The following USH1C variants were observed in gnomAD, a reference collection of about 807,000 sequenced individuals.
USH1C encodes the protein harmonin.
USH1C carries 90 observed loss-of-function variants against 119.3 expected under a neutral mutation model. That is an observed-to-expected ratio of 0.75 (90% CI 0.64 to 0.90). The LOEUF is 0.90. Ranked by LOEUF, USH1C falls within the 40% of genes least tolerant of loss-of-function variation. The pLI, the probability that USH1C is intolerant of heterozygous loss-of-function variation, is 0.00. For synonymous variants in USH1C, 465 were observed against 443.3 expected (o/e 1.05, Z -0.62); for missense variants, 1,165 against 1,167.7 (o/e 1.00, Z 0.03).
intron 2 of USH1C, 111 bp downstream of exon 2, chr11:17,533,144 G>A: frequency 1.2e-6 from 1 of 818,186 alleles, no homozygotes; most frequent in Non-Finnish European, 2.2e-6. Context: ...ATTTCCAGGA[G>A]CCGTGAGCAT....
intron 13 of USH1C, 148 bp downstream of exon 13, chr11:17,521,198 T>C (rs1040776908): frequency 1.0e-4 from 106 of 1,050,072 alleles, no homozygotes; most frequent in Admixed American, 1.1e-4. Flanking sequence ...GTTACTATAA[T>C]ATGACAGGCT....
At chr11:17,507,014 A>G (rs578251868) in intron 18 of USH1C, among the ~76,000 whole-genome samples, 167 of 152,356 alleles carry the variant, frequency 1.1e-3, no homozygotes, top group African/African-American at 4.0e-3. Flanking sequence ...GTGCCTGTGG[A>G]TAGATCTGGC....
intron 1 of USH1C, among the ~76,000 whole-genome samples, chr11:17,535,300 G>A (rs976067386): frequency 6.6e-6 from 1 of 151,902 alleles, no homozygotes; most frequent in African/African-American, 2.4e-5. Context: ...CAGGCCGAAC[G>A]CTCTCCAGCC....
At chr11:17,497,649 C>T (rs1407148430) in intron 24 of USH1C, among the ~76,000 whole-genome samples, 1 of 152,218 alleles carries the variant, frequency 6.6e-6, no homozygotes, top group Admixed American at 6.5e-5. Flanking sequence ...CATTGCACAC[C>T]ATGAGCAGGC....
chr11:17,494,520 G>A, intron 26 of USH1C, 144 bp from the exon 27 acceptor site: 1 of 876,168 alleles, frequency 1.1e-6, no homozygotes, highest in Non-Finnish European at 1.9e-6. Context: ...CTGGGTGCAG[G>A]CCCCAAGTGG....
chr11:17,514,990 GA>G (rs1247661223), intron 15 of USH1C, among the ~76,000 whole-genome samples: 1 of 151,984 alleles, frequency 6.6e-6, no homozygotes, highest in Admixed American at 6.6e-5. Context: ...ATTAGTGCCT[GA>G]AAAAGATTTG....
rs2133893762 is a variant in USH1C at position 17,526,418 on chromosome 11, G to A, written c.603C>T (p.Ser201=). 1 of 1,614,088 alleles carries A rather than the reference G, an allele frequency of 6.2e-7. No individual in the cohort carries two copies. The highest frequency in any genetic ancestry group is 8.5e-7 in the Non-Finnish European group (1 of 1,180,008). ...ESGGVRGSLG[S]PGNRENKEKK... ...TCTCCTTGTTTTCCCGATTTCCAGG[G>A]GAGCCCAGGCTGCCTCGCACGCCCT... The change falls in exon 8 of 27, where the codon TCC becomes TCT. Residue 201 remains serine (S), a synonymous_variant. Coordinates refer to ENST00000005226, the MANE Select transcript of USH1C (RefSeq NM_153676.4).
chr11:17,495,733 G>C, intron 25 of USH1C, 56 bp from the exon 26 acceptor site: 1 of 1,575,266 alleles, frequency 6.3e-7, no homozygotes, highest in Non-Finnish European at 8.7e-7. Context: ...CTCCCAGGCA[G>C]AGCTCCATGG....
intron 1 of USH1C, chr11:17,533,779 A>G (rs566927537): frequency 4.4e-6 from 2 of 458,284 alleles, no homozygotes; most frequent in South Asian, 3.1e-5. Flanking sequence ...ACTCGCTTAG[A>G]TAGCACATGC....
rs375917372 is a variant in USH1C, at chr11:17,504,742, T to C, written c.2134-45A>G. ...AAAGTTCCACATTGGATGTTACCAA[T>C]AGGTCTTGGCTGCCCCCTGGTGCCA... On this transcript the variant is annotated intron_variant, in intron 19 of 26. Coordinates refer to ENST00000005226, the MANE Select transcript of USH1C (RefSeq NM_153676.4). 4.9e-5 allele frequency: 78 copies of C among 1,606,078 alleles called. No homozygotes were observed. The African/African-American group carries it at 9.2e-4, about 19-fold the overall frequency.
At chr11:17,527,697 C>T (rs1850772573) in intron 4 of USH1C, among the ~76,000 whole-genome samples, 1 of 152,174 alleles carries the variant, frequency 6.6e-6, no homozygotes, top group Non-Finnish European at 1.5e-5. Flanking sequence ...CAAAGGGTGA[C>T]ATTTCACTCA....
chr11:17,513,936 A>C (rs1850020442), intron 15 of USH1C, among the ~76,000 whole-genome samples: 1 of 152,246 alleles, frequency 6.6e-6, no homozygotes, highest in Non-Finnish European at 1.5e-5. Flanking sequence ...ATCTGTACAG[A>C]TGCAGAGGGC....
At position 17,494,317 on chromosome 11, in the gene USH1C, G is replaced by C; in HGVS notation, c.*15C>G. The C allele has an allele frequency of 6.2e-7, 1 of 1,606,922 alleles. No individual in the cohort carries two copies. Among genetic ancestry groups the C allele is most frequent in the Non-Finnish European group, 8.5e-7 (1 of 1,176,556 alleles). On this transcript the variant is annotated 3_prime_UTR_variant, in exon 27 of 27. Transcript: ENST00000005226. ...GGCTTTGTGTTCACGAGGTGGGGCC[G>C]GAGCTCACTGTTTCCTAACGGTGAA... is the stretch of plus-strand genomic sequence containing the variant.
chr11:17,517,755 T>C (rs1315050128), intron 14 of USH1C, among the ~76,000 whole-genome samples: 1 of 152,182 alleles, frequency 6.6e-6, no homozygotes, highest in African/African-American at 2.4e-5. Flanking sequence ...AACCATTTTG[T>C]AGGGTATTGG....
rs1166447896 is a variant in USH1C at position 17,520,890 on chromosome 11, A to T, written c.1190T>A (p.Val397Glu). The change falls in exon 14 of 27, where the codon GTA becomes GAA. Residue 397 changes from valine to glutamate, a missense_variant. Coordinates refer to ENST00000005226, the MANE Select transcript of USH1C (RefSeq NM_153676.4). ...PKTITAEVHP[V>E]PLRKPKSFGW... ...CTTACACTTTGGCTTGCGAAGGGGT[A>T]CTGGGTGTACCTCAGCAGTGATGGT... 6 of 1,613,994 alleles carry T rather than the reference A, an allele frequency of 3.7e-6. No individual in the cohort carries two copies. The highest frequency in any genetic ancestry group is 5.1e-6 in the Non-Finnish European group (6 of 1,180,008).
chr11:17,515,915 C>G lies in USH1C; in HGVS notation c.1260+326G>C, dbSNP rs1320815307. 3.3e-5 allele frequency among the ~76,000 whole-genome samples: 5 copies of G among 152,362 alleles called. No individual in the cohort carries two copies. In the East Asian group the frequency reaches 9.6e-4, roughly 29 times the overall value. The stretch of plus-strand genomic sequence containing the variant: ...CTCTGTCTGACCCCAAGCTTCTGGC[C>G]TTGGTCTCTAGTTCTACTTGACAGA... On this transcript the variant is annotated intron_variant, in intron 15 of 26. Coordinates refer to ENST00000005226, the MANE Select transcript of USH1C (RefSeq NM_153676.4).
At chr11:17,539,833 C>CTTTTTTTTTTTTTTTTTTTT (rs34881002) in intron 1 of USH1C, among the ~76,000 whole-genome samples, 1 of 126,202 alleles carries the variant, frequency 7.9e-6, no homozygotes. Flanking sequence ...CTTTCTTTTT[C>CTTTTTTTTTTTTTTTTTTTT]TTTTTTTTTT....
rs1031743649 is a variant in USH1C at position 17,523,193 on chromosome 11, A to C, written c.876+18T>G. 1.2e-6 allele frequency: 2 copies of C among 1,614,012 alleles called. No homozygotes were observed. Among genetic ancestry groups the C allele is most frequent in the Non-Finnish European group, 1.7e-6 (2 of 1,179,928 alleles). ...GGATGAAGGTCAAGGGGCTCCCACCAGCTCATTCTGGACTTACAGCTGCAG... is the reference window on the plus strand; with the variant it reads ...GGATGAAGGTCAAGGGGCTCCCACCCGCTCATTCTGGACTTACAGCTGCAG... On this transcript the variant is annotated intron_variant, in intron 11 of 26. Coordinates refer to ENST00000005226, the MANE Select transcript of USH1C (RefSeq NM_153676.4).
At chr11:17,540,032 A>G (rs139284857) in intron 1 of USH1C, among the ~76,000 whole-genome samples, 9 of 151,626 alleles carry the variant, frequency 5.9e-5, no homozygotes, top group African/African-American at 2.2e-4. Context: ...GGGTCTCGCT[A>G]TGTTGCCCAG....
Sources: allele counts gnomAD v4.1 joint callset (sites outside exome capture counted in the v4.1 genomes callset), GRCh38; gene constraint gnomAD v4.1.1; transcripts MANE v1.5; gene names NCBI Gene and HGNC (gene_info 2026-07-23, HGNC 2026-07-21).